Variants in DORIP1 observed in about 807,000 individuals in gnomAD.
DORIP1 encodes the protein dopamine receptor-interacting protein 1.
chr14:44,900,960 G>T, the DORIP1 span: 4 of 1,561,830 alleles, frequency 2.6e-6, no homozygotes, highest in Non-Finnish European at 3.5e-6. Flanking sequence ...TTAATATAAA[G>T]TAAGTTGGTC....
At chr14:44,897,854 T>C in the DORIP1 span, among the ~76,000 whole-genome samples, 17,781 of 152,186 alleles carry the variant, frequency 0.12, 3,021 homozygotes, top group African/African-American at 0.38. Flanking sequence ...TGTCCCGAAG[T>C]CCCGCGCTGC....
the DORIP1 span, chr14:44,904,280 C>G: frequency 1.4e-6 from 2 of 1,469,238 alleles, no homozygotes; most frequent in Non-Finnish European, 1.8e-6. Flanking sequence ...TTAACCATTA[C>G]CTACACCTAT....
chr14:44,901,001 T>TA, the DORIP1 span: 21 of 1,524,576 alleles, frequency 1.4e-5, no homozygotes, highest in Non-Finnish European at 1.8e-5. Flanking sequence ...TTACTTTTTT[T>TA]AATGAATGTT....
At chr14:44,903,207 T>G in the DORIP1 span, 8 of 1,601,856 alleles carry the variant, frequency 5.0e-6, 1 homozygote, top group South Asian at 8.8e-5. Context: ...ATTATTATAG[T>G]CCTCCCCAAG....
chr14:44,903,643 T>C, the DORIP1 span: 3 of 995,092 alleles, frequency 3.0e-6, no homozygotes, highest in Non-Finnish European at 3.6e-6. Context: ...CTTAACCTAG[T>C]AAAAGTTGAG....
chr14:44,900,431 G>A, the DORIP1 span: 1 of 1,463,356 alleles, frequency 6.8e-7, no homozygotes, highest in Non-Finnish European at 9.0e-7. Flanking sequence ...CTTTTAAAAT[G>A]TAGGATGAAG....
the DORIP1 span, chr14:44,903,080 G>A: frequency 1.7e-6 from 1 of 583,366 alleles, no homozygotes; most frequent in South Asian, 2.8e-5. Flanking sequence ...AATTCTGAAT[G>A]TGTCATAAAG....
the DORIP1 span, chr14:44,904,618 T>C: frequency 1.0e-5 from 13 of 1,272,610 alleles, no homozygotes; most frequent in African/African-American, 1.1e-4. Flanking sequence ...TTAAGAGATA[T>C]TGTTGAAAAC....
At chr14:44,905,358 A>G in the DORIP1 span, 1 of 1,481,478 alleles carries the variant, frequency 6.8e-7, no homozygotes, top group Non-Finnish European at 9.2e-7. Context: ...TATATTATTT[A>G]ATTTGCAGGT....
chr14:44,905,289 C>A, the DORIP1 span: 1 of 958,650 alleles, frequency 1.0e-6, no homozygotes, highest in Non-Finnish European at 1.5e-6. Context: ...TGTTTTTATT[C>A]CTTAGTTATG....
the DORIP1 span, chr14:44,906,163 AC>A: frequency 6.6e-6 from 1 of 151,650 alleles, no homozygotes; most frequent in African/African-American, 2.4e-5. Context: ...ATTACTTTTA[AC>A]TACTTCCTAA....
chr14:44,905,460 G>T, the DORIP1 span: 1 of 1,568,008 alleles, frequency 6.4e-7, no homozygotes, highest in South Asian at 1.2e-5. Flanking sequence ...ACTATGATGG[G>T]CTCAGAAATG....
chr14:44,897,856 C>G, the DORIP1 span, among the ~76,000 whole-genome samples: 51 of 152,306 alleles, frequency 3.3e-4, no homozygotes, highest in Non-Finnish European at 6.0e-4. Flanking sequence ...TCCCGAAGTC[C>G]CGCGCTGCTG....
chr14:44,901,419 CA>C, the DORIP1 span, among the ~76,000 whole-genome samples: 2 of 152,160 alleles, frequency 1.3e-5, no homozygotes, highest in African/African-American at 2.4e-5. Flanking sequence ...CACAGAAATG[CA>C]AGATTCTTCT....
chr14:44,902,599 C>T, the DORIP1 span, among the ~76,000 whole-genome samples: 1 of 152,024 alleles, frequency 6.6e-6, no homozygotes, highest in African/African-American at 2.4e-5. Flanking sequence ...GGATTACAGG[C>T]GTGAGCCACC....
At chr14:44,900,005 A>T in the DORIP1 span, among the ~76,000 whole-genome samples, 1 of 151,554 alleles carries the variant, frequency 6.6e-6, no homozygotes, top group South Asian at 2.1e-4. Context: ...CTAATTTTGT[A>T]TTTTTAATAG....
chr14:44,900,831 T>C, the DORIP1 span: 7 of 1,614,156 alleles, frequency 4.3e-6, no homozygotes, highest in Non-Finnish European at 5.9e-6. Context: ...TTGATTTGTT[T>C]GGGAATGAGC....
chr14:44,902,707 G>T, the DORIP1 span, among the ~76,000 whole-genome samples: 1 of 151,826 alleles, frequency 6.6e-6, no homozygotes, highest in Admixed American at 6.6e-5. Flanking sequence ...TTATACTATT[G>T]AATAAAATAT....
chr14:44,903,771 A>G, the DORIP1 span: 2 of 968,790 alleles, frequency 2.1e-6, no homozygotes, highest in East Asian at 1.1e-4. Context: ...AAGGAAAGGT[A>G]AAAATATGTT....
Sources: gnomAD v4.1 joint callset for allele counts (sites outside exome capture counted in the v4.1 genomes callset) on GRCh38, gnomAD v4.1.1 for gene constraint, MANE v1.5 for transcripts, NCBI Gene and HGNC (gene_info 2026-07-23, HGNC 2026-07-21) for gene names.